Variants in MYRIP observed in about 807,000 individuals in gnomAD.
The protein encoded by MYRIP is myosin VIIA and Rab interacting protein.
A neutral mutation model predicts 98.0 loss-of-function variants in MYRIP; 49 were observed. That is an observed-to-expected ratio of 0.50 (90% CI 0.40 to 0.63). The LOEUF is 0.63. Ranked by LOEUF, MYRIP falls within the 30% of genes least tolerant of loss-of-function variation. The pLI is 0.00. For missense variants in MYRIP, 1,004 were observed against 1,058.2 expected (o/e 0.95, Z 0.71); for synonymous variants, 404 against 409.5 (o/e 0.99, Z 0.16).
At chr3:39,847,709 T>C (rs892015709) in intron 1 of MYRIP, among the ~76,000 whole-genome samples, 13 of 152,216 alleles carry the variant, frequency 8.5e-5, no homozygotes, top group Admixed American at 7.9e-4. Flanking sequence ...CCTCATCTAC[T>C]GTATTTCTGG....
At chr3:40,100,986 A>G (rs1029244998) in intron 3 of MYRIP, among the ~76,000 whole-genome samples, 5 of 152,176 alleles carry the variant, frequency 3.3e-5, no homozygotes, top group Admixed American at 6.5e-5. Flanking sequence ...ACTTATTGAA[A>G]AGAAAAAAAA....
At chr3:39,924,980 T>C (rs1559524335) in intron 2 of MYRIP, among the ~76,000 whole-genome samples, 1 of 151,884 alleles carries the variant, frequency 6.6e-6, no homozygotes, top group Non-Finnish European at 1.5e-5. Flanking sequence ...AGAAAATTTA[T>C]AGTACTAAAT....
At chr3:39,877,304 A>G (rs1279029324) in intron 1 of MYRIP, among the ~76,000 whole-genome samples, 1 of 151,972 alleles carries the variant, frequency 6.6e-6, no homozygotes, top group African/African-American at 2.4e-5. Context: ...CCCGTAGCTC[A>G]GAGTAATTTG....
intron 1 of MYRIP, among the ~76,000 whole-genome samples, chr3:39,834,426 G>T (rs993275824): frequency 6.6e-6 from 1 of 152,062 alleles, no homozygotes; most frequent in African/African-American, 2.4e-5. Flanking sequence ...ACACTTTGTC[G>T]ATGTAACTAT....
intron 2 of MYRIP, among the ~76,000 whole-genome samples, chr3:40,029,863 C>T (rs1430723143): frequency 6.6e-6 from 1 of 151,860 alleles, no homozygotes; most frequent in Non-Finnish European, 1.5e-5. Flanking sequence ...AATTTGAGAC[C>T]AGCCTGGGCA....
intron 1 of MYRIP, among the ~76,000 whole-genome samples, chr3:39,836,735 C>T (rs1010103228): frequency 4.6e-5 from 7 of 152,196 alleles, no homozygotes; most frequent in African/African-American, 4.8e-5. Flanking sequence ...TGAGCAGCTC[C>T]GCACTCCAAG....
chr3:40,198,510 A>T (rs1951463080), intron 10 of MYRIP, among the ~76,000 whole-genome samples: 1 of 152,306 alleles, frequency 6.6e-6, no homozygotes, highest in Middle Eastern at 3.4e-3. Flanking sequence ...CAACAAACAG[A>T]CTTCGATTGC....
chr3:39,830,881 A>G (rs951257780), intron 1 of MYRIP, among the ~76,000 whole-genome samples: 3 of 152,176 alleles, frequency 2.0e-5, no homozygotes, highest in Non-Finnish European at 4.4e-5. Flanking sequence ...TATGCAAATA[A>G]TCTTCTCCCA....
At chr3:39,995,300 A>G (rs1376790410) in intron 2 of MYRIP, among the ~76,000 whole-genome samples, 19 of 152,214 alleles carry the variant, frequency 1.2e-4, no homozygotes, top group South Asian at 2.1e-4. Context: ...AAAAAATTAG[A>G]TGAATGGCTA....
At chr3:39,988,342 C>G (rs1485169268) in intron 2 of MYRIP, among the ~76,000 whole-genome samples, 2 of 152,050 alleles carry the variant, frequency 1.3e-5, no homozygotes, top group African/African-American at 4.8e-5. Context: ...GAATATTGGC[C>G]CCCACTCTCT....
intron 10 of MYRIP, among the ~76,000 whole-genome samples, chr3:40,200,933 CAAAG>C (rs903015265): frequency 6.6e-6 from 1 of 151,938 alleles, no homozygotes; most frequent in African/African-American, 2.4e-5. Flanking sequence ...AATCCTGAGT[CAAAG>C]AAAAAACGAA....
Position 39,960,648 on chromosome 3 carries a change from A to G in MYRIP, c.110+59722A>G, listed in dbSNP as rs143650318. Among the ~76,000 whole-genome samples the G allele has an allele frequency of 5.5e-3, 835 of 152,222 alleles. 7 individuals carry two copies. Among genetic ancestry groups the G allele is most frequent in the African/African-American group, 0.019 (792 of 41,556 alleles). On this transcript the variant is annotated intron_variant, in intron 2 of 16. Transcript: ENST00000302541. ...CTAGCTTATAAATCAAAGCAGCACT[A>G]TTGGCGCCACATATATGTGTTGTGT...
At chr3:39,954,392 C>T (rs1195654938) in intron 2 of MYRIP, among the ~76,000 whole-genome samples, 1 of 152,062 alleles carries the variant, frequency 6.6e-6, no homozygotes, top group Admixed American at 6.5e-5. Context: ...TGGGGTGATA[C>T]CCAGGCAAAC....
At chr3:39,841,706 G>T (rs1941805405) in intron 1 of MYRIP, among the ~76,000 whole-genome samples, 1 of 152,086 alleles carries the variant, frequency 6.6e-6, no homozygotes, top group African/African-American at 2.4e-5. Flanking sequence ...CTTCTAATAG[G>T]CAGGTCCCTC....
intron 11 of MYRIP, among the ~76,000 whole-genome samples, chr3:40,215,032 A>G (rs1952074672): frequency 1.3e-5 from 2 of 152,214 alleles, no homozygotes; most frequent in African/African-American, 4.8e-5. Context: ...TAACATAAGT[A>G]TCATTTGCAA....
intron 3 of MYRIP, among the ~76,000 whole-genome samples, chr3:40,087,797 G>C (rs1948658468): frequency 6.6e-6 from 1 of 152,202 alleles, no homozygotes; most frequent in African/African-American, 2.4e-5. Context: ...GAGTGGGGTG[G>C]AGTAGGGTGT....
chr3:40,098,835 C>T (rs981604099), intron 3 of MYRIP, among the ~76,000 whole-genome samples: 1 of 138,596 alleles, frequency 7.2e-6, no homozygotes. Flanking sequence ...TTATTATTGA[C>T]ATTTTACAGT....
At chr3:40,062,503 T>C (rs1948039456) in intron 3 of MYRIP, among the ~76,000 whole-genome samples, 1 of 152,192 alleles carries the variant, frequency 6.6e-6, no homozygotes, top group South Asian at 2.1e-4. Context: ...TTGTATCAAA[T>C]ATATTTCATT....
At chr3:39,858,066 G>C (rs889582981) in intron 1 of MYRIP, among the ~76,000 whole-genome samples, 1 of 152,102 alleles carries the variant, frequency 6.6e-6, no homozygotes, top group Non-Finnish European at 1.5e-5. Flanking sequence ...AACATAAATG[G>C]ATTTCATTCT....
Sources: allele counts gnomAD v4.1 joint callset (sites outside exome capture counted in the v4.1 genomes callset), GRCh38; gene constraint gnomAD v4.1.1; transcripts MANE v1.5; gene names NCBI Gene and HGNC (gene_info 2026-07-23, HGNC 2026-07-21).